UNC5D: variants seen among roughly 807,000 people sequenced by gnomAD.
The protein encoded by UNC5D is netrin receptor UNC5D.
UNC5D carries 39 observed loss-of-function variants against 105.4 expected under a neutral mutation model. The observed-to-expected ratio is 0.37, with a 90% confidence interval of 0.29 to 0.48. The LOEUF is 0.48. Ranked by LOEUF, UNC5D falls within the 20% of genes least tolerant of loss-of-function variation. The pLI is 0.98. For synonymous variants in UNC5D, 452 were observed against 450.4 expected, an observed-to-expected ratio of 1.00 and a Z score of -0.04; for missense variants, 991 against 1,202.4, an observed-to-expected ratio of 0.82 and a Z score of 2.60.
At chr8:35,763,817 G>A (rs1437756454) in intron 14 of UNC5D, among the ~76,000 whole-genome samples, 1 of 152,156 alleles carries the variant, frequency 6.6e-6, no homozygotes, top group Non-Finnish European at 1.5e-5. Flanking sequence ...AAGAGATGGT[G>A]GAAGCCCTTG....
intron 1 of UNC5D, among the ~76,000 whole-genome samples, chr8:35,448,829 G>A (rs1389079793): frequency 6.6e-6 from 1 of 152,000 alleles, no homozygotes; most frequent in Non-Finnish European, 1.5e-5. Context: ...TGTACACATT[G>A]TTTAGCTCCC....
At chr8:35,642,824 C>T (rs1822826553) in intron 4 of UNC5D, among the ~76,000 whole-genome samples, 1 of 152,128 alleles carries the variant, frequency 6.6e-6, no homozygotes, top group Non-Finnish European at 1.5e-5. Context: ...GTCCTAAGCA[C>T]ACAGTAAGAT....
chr8:35,464,224 G>A (rs1809126603), intron 1 of UNC5D, among the ~76,000 whole-genome samples: 1 of 152,082 alleles, frequency 6.6e-6, no homozygotes, highest in Admixed American at 6.5e-5. Flanking sequence ...TTACTCAGGA[G>A]GCTGAAACAG....
At chr8:35,709,942 C>T (rs1827835553) in intron 8 of UNC5D, among the ~76,000 whole-genome samples, 1 of 152,038 alleles carries the variant, frequency 6.6e-6, no homozygotes. Flanking sequence ...GGGAAGAAAA[C>T]TTTGTTTTGT....
intron 9 of UNC5D, among the ~76,000 whole-genome samples, chr8:35,724,703 G>A (rs1006237105): frequency 1.3e-5 from 2 of 152,182 alleles, no homozygotes; most frequent in African/African-American, 4.8e-5. Flanking sequence ...TTAAACTTCA[G>A]AGGCTAGGGC....
intron 1 of UNC5D, among the ~76,000 whole-genome samples, chr8:35,267,916 AG>A (rs1410237544): frequency 6.6e-6 from 1 of 152,210 alleles, no homozygotes; most frequent in African/African-American, 2.4e-5. Flanking sequence ...TAACTTGCAA[AG>A]ATTTTGAAAA....
chr8:35,288,941 A>T (rs1806827822), intron 1 of UNC5D, among the ~76,000 whole-genome samples: 1 of 152,210 alleles, frequency 6.6e-6, no homozygotes, highest in African/African-American at 2.4e-5. Context: ...GGAAGAAAAA[A>T]AGAAGGGACC....
At chr8:35,732,832 T>C (rs970515827) in intron 11 of UNC5D, among the ~76,000 whole-genome samples, 1 of 152,154 alleles carries the variant, frequency 6.6e-6, no homozygotes, top group African/African-American at 2.4e-5. Flanking sequence ...ATTTCGCATT[T>C]TCCAAGGCAC....
chr8:35,766,828 T>C, intron 14 of UNC5D, 74 bp from the exon 15 acceptor site: 1 of 1,488,842 alleles, frequency 6.7e-7, no homozygotes, highest in South Asian at 1.4e-5. Flanking sequence ...TCATCATCAC[T>C]ATTAAGTCTC....
intron 4 of UNC5D, among the ~76,000 whole-genome samples, chr8:35,646,893 G>A (rs1392758396): frequency 6.6e-6 from 1 of 152,128 alleles, no homozygotes; most frequent in Non-Finnish European, 1.5e-5. Flanking sequence ...TTGATATACT[G>A]TATTTTTCTA....
intron 1 of UNC5D, among the ~76,000 whole-genome samples, chr8:35,403,238 A>G (rs1385836898): frequency 6.6e-6 from 1 of 152,224 alleles, no homozygotes; most frequent in Non-Finnish European, 1.5e-5. Flanking sequence ...TCACATTTAT[A>G]AAAGCTGCAT....
chr8:35,384,012 G>A (rs1028192035), intron 1 of UNC5D, among the ~76,000 whole-genome samples: 1 of 152,034 alleles, frequency 6.6e-6, no homozygotes, highest in Non-Finnish European at 1.5e-5. Context: ...TCAGGAGATC[G>A]AGACCATCCT....
chr8:35,773,783 C>T (rs180720143), intron 15 of UNC5D, among the ~76,000 whole-genome samples: 340 of 152,278 alleles, frequency 2.2e-3, no homozygotes, highest in Non-Finnish European at 4.1e-3. Flanking sequence ...AGTGCAATGG[C>T]GGGATCTCAA....
At chr8:35,597,729 T>G (rs538891243) in intron 4 of UNC5D, among the ~76,000 whole-genome samples, 1 of 152,250 alleles carries the variant, frequency 6.6e-6, no homozygotes, top group East Asian at 1.9e-4. Flanking sequence ...GAAGATAACT[T>G]AGATATTTAC....
intron 1 of UNC5D, among the ~76,000 whole-genome samples, chr8:35,497,389 G>A (rs151086481): frequency 6.8e-6 from 1 of 146,802 alleles, no homozygotes; most frequent in East Asian, 2.0e-4. Flanking sequence ...GAGAAAGTGA[G>A]GGTGACCTCC....
Position 35,454,955 on chromosome 8 carries a change from T to C in UNC5D, c.104-94337T>C, listed in dbSNP as rs1331719629. Reference sequence around the variant, plus strand: ...AAGTCAAATGAAATTTATCCCTTGTTATGGATTTTATTCTTTTAATCAACA... The same window carrying C: ...AAGTCAAATGAAATTTATCCCTTGTCATGGATTTTATTCTTTTAATCAACA... On this transcript the variant is annotated intron_variant, in intron 1 of 16. Transcript: ENST00000404895. Among the ~76,000 whole-genome samples, 4 of 152,290 alleles carry C rather than the reference T, an allele frequency of 2.6e-5. 1 individual carries two copies. The highest frequency in any genetic ancestry group is 9.6e-5 in the African/African-American group (4 of 41,564).
chr8:35,606,715 G>A (rs1039958603), intron 4 of UNC5D, among the ~76,000 whole-genome samples: 3 of 152,184 alleles, frequency 2.0e-5, no homozygotes, highest in Non-Finnish European at 4.4e-5. Context: ...AAAGAGAGAA[G>A]AATAAAGGAT....
chr8:35,481,558 C>A (rs1156307667), intron 1 of UNC5D, among the ~76,000 whole-genome samples: 1 of 152,160 alleles, frequency 6.6e-6, no homozygotes, highest in East Asian at 1.9e-4. Flanking sequence ...TAGTATTGAA[C>A]TTTAGAATAA....
chr8:35,511,654 G>T (rs1268961360), intron 1 of UNC5D, among the ~76,000 whole-genome samples: 3 of 151,590 alleles, frequency 2.0e-5, no homozygotes, highest in African/African-American at 7.3e-5. Flanking sequence ...CAATCTTTTG[G>T]CTTTTCTGGG....
Sources: allele counts gnomAD v4.1 joint callset (sites outside exome capture counted in the v4.1 genomes callset), GRCh38; gene constraint gnomAD v4.1.1; transcripts MANE v1.5; gene names NCBI Gene and HGNC (gene_info 2026-07-23, HGNC 2026-07-21).